COL22A1: variants seen among roughly 807,000 people sequenced by gnomAD.
The protein encoded by COL22A1 is collagen type XXII alpha 1 chain.
A neutral mutation model predicts 248.9 loss-of-function variants in COL22A1; 221 were observed. That is an observed-to-expected ratio of 0.89 (90% CI 0.80 to 0.99). The LOEUF (loss-of-function observed/expected upper bound fraction) is 0.99, where lower values mean the gene tolerates loss of function less well. Among genes scored for constraint, COL22A1 ranks in the 50% least tolerant of loss-of-function variants. COL22A1 has a pLI of 0.00. For synonymous variants in COL22A1, 891 were observed against 793.4 expected, an observed-to-expected ratio of 1.12 and a Z score of -2.07; for missense variants, 2,240 against 2,179.0, an observed-to-expected ratio of 1.03 and a Z score of -0.56.
rs143497961 is a variant in COL22A1, at chr8:138,668,721, G to A, written c.3151-4981C>T. On this transcript the variant is annotated intron_variant, in intron 41 of 64. Transcript: ENST00000303045. ...CATGTGTGCAGGCCTAGTGCTGTGT[G>A]CTGGGGTGGGTGGCCAAGTGGCTGC... Among the ~76,000 whole-genome samples, 182 of 152,326 alleles carry A rather than the reference G, an allele frequency of 1.2e-3. 1 individual carries two copies. The highest frequency in any genetic ancestry group is 4.2e-3 in the African/African-American group (175 of 41,574).
intron 18 of COL22A1, among the ~76,000 whole-genome samples, chr8:138,757,796 A>T (rs1586666561): frequency 1.3e-5 from 2 of 152,224 alleles, no homozygotes; most frequent in East Asian, 3.9e-4. Flanking sequence ...ATAGGACCAA[A>T]AGTCTTTCCT....
intron 16 of COL22A1, among the ~76,000 whole-genome samples, chr8:138,773,494 C>T (rs1270943154): frequency 2.6e-5 from 4 of 152,152 alleles, no homozygotes; most frequent in Non-Finnish European, 4.4e-5. Context: ...GGGATCTGGC[C>T]GTAGGACATG....
At chr8:138,713,031 G>A (rs565194004) in intron 30 of COL22A1, among the ~76,000 whole-genome samples, 1 of 152,330 alleles carries the variant, frequency 6.6e-6, no homozygotes, top group Admixed American at 6.5e-5. Flanking sequence ...CTAGTAGAAA[G>A]GATGTCAGTC....
chr8:138,666,964 A>G (rs1282247718), intron 41 of COL22A1, among the ~76,000 whole-genome samples: 1 of 152,212 alleles, frequency 6.6e-6, no homozygotes, highest in African/African-American at 2.4e-5. Context: ...ATTGTAATAC[A>G]AATCTAGAGT....
chr8:138,672,895 A>G (rs1339221847), intron 41 of COL22A1, among the ~76,000 whole-genome samples: 13 of 152,202 alleles, frequency 8.5e-5, no homozygotes, highest in Admixed American at 8.5e-4. Flanking sequence ...TCCTTCAGTC[A>G]AACTAATTTG....
intron 3 of COL22A1, among the ~76,000 whole-genome samples, chr8:138,846,980 GCTC>G (rs1387564125): frequency 6.6e-6 from 1 of 152,198 alleles, no homozygotes; most frequent in Non-Finnish European, 1.5e-5. Flanking sequence ...GCTTCCCAGG[GCTC>G]CTCCTCCTGG....
chr8:138,858,464 T>G (rs1336661590), intron 3 of COL22A1, among the ~76,000 whole-genome samples: 1 of 152,118 alleles, frequency 6.6e-6, no homozygotes, highest in Non-Finnish European at 1.5e-5. Context: ...CACTGCAGCC[T>G]CCAACTCCTG....
In COL22A1 at chr8:138,860,534, G is replaced by A. The variant is rs148794963; in HGVS notation, c.659-16376C>T. On this transcript the variant is annotated intron_variant, in intron 3 of 64. Transcript: ENST00000303045. The stretch of plus-strand genomic sequence containing the variant: ...AATGAGTTCAAGACAACAACTTTCC[G>A]GATGTGGTGACTCATGTAGTCCCAG... 1.9e-3 allele frequency among the ~76,000 whole-genome samples: 294 copies of A among 152,276 alleles called. 1 individual carries two copies. Among genetic ancestry groups the A allele is most frequent in the African/African-American group, 6.8e-3 (283 of 41,556 alleles).
intron 41 of COL22A1, among the ~76,000 whole-genome samples, chr8:138,666,426 T>G (rs1042033087): frequency 2.0e-5 from 3 of 152,198 alleles, no homozygotes; most frequent in African/African-American, 7.2e-5. Flanking sequence ...TATCAACATT[T>G]CATTGCTATA....
At chr8:138,839,316 T>TG in intron 4 of COL22A1, among the ~76,000 whole-genome samples, 1 of 152,172 alleles carries the variant, frequency 6.6e-6, no homozygotes, top group Admixed American at 6.5e-5. Flanking sequence ...GAGGGTACAC[T>TG]GGCTGGGAAT....
At chr8:138,681,222 T>C (rs756607953) in intron 39 of COL22A1, among the ~76,000 whole-genome samples, 12 of 152,300 alleles carry the variant, frequency 7.9e-5, no homozygotes, top group Non-Finnish European at 1.5e-4. Context: ...ACTGAGCAGG[T>C]AACTGTGACC....
At chr8:138,625,630 G>A (rs1340711031) in intron 51 of COL22A1, among the ~76,000 whole-genome samples, 2 of 152,148 alleles carry the variant, frequency 1.3e-5, no homozygotes, top group African/African-American at 2.4e-5. Context: ...ATCACATTTT[G>A]GAGGATCATC....
At chr8:138,724,450 C>T (rs1260978626) in intron 25 of COL22A1, among the ~76,000 whole-genome samples, 165 bp downstream of exon 25, 4 of 152,164 alleles carry the variant, frequency 2.6e-5, no homozygotes, top group Admixed American at 1.3e-4. Flanking sequence ...GAGTGAGCCA[C>T]CACAGAAAGA....
chr8:138,891,030 A>C (rs770189164), intron 1 of COL22A1, among the ~76,000 whole-genome samples: 1 of 152,160 alleles, frequency 6.6e-6, no homozygotes, highest in African/African-American at 2.4e-5. Flanking sequence ...TAAAAAAAAA[A>C]AGTTTGTTGT....
At position 138,778,278 on chromosome 8, in the gene COL22A1, G is replaced by C. The variant is rs776481088; in HGVS notation, c.1758+75C>G. On this transcript the variant is annotated intron_variant, in intron 15 of 64. Transcript: ENST00000303045. ...GCATTACTGTCTAGATGCAGGTGGA[G>C]GAACTTGCTAGAACCTGGTTTTTGA... The C allele has an allele frequency of 1.2e-5, 18 of 1,538,436 alleles. No individual in the cohort carries two copies. In the South Asian group the frequency reaches 1.8e-4, roughly 15 times the overall value.
At chr8:138,723,894 C>A (rs1452252917) in intron 25 of COL22A1, among the ~76,000 whole-genome samples, 3 of 152,146 alleles carry the variant, frequency 2.0e-5, no homozygotes, top group Non-Finnish European at 2.9e-5. Context: ...GGAGACCTGC[C>A]CCATGTGTTA....
rs1441337758 is a variant in COL22A1, at chr8:138,649,568, C to G, written c.3447+97G>C. On this transcript the variant is annotated intron_variant, in intron 46 of 64. Transcript: ENST00000303045. ...ATCTTGAATCTTGAACCCCTCAAACCCTGAACACCTTCAGAGGCAGATGGG... is the reference window on the plus strand; with the variant it reads ...ATCTTGAATCTTGAACCCCTCAAACGCTGAACACCTTCAGAGGCAGATGGG... 1.9e-5 allele frequency: 29 copies of G among 1,529,628 alleles called. No homozygotes were observed. The East Asian group carries it at 6.4e-4, about 34-fold the overall frequency. 94.8% of individuals were successfully genotyped at this position (1,529,628 alleles called of 1,614,324 possible).
intron 19 of COL22A1, 128 bp downstream of exon 19, chr8:138,755,657 G>T: frequency 1.5e-6 from 2 of 1,343,522 alleles, no homozygotes; most frequent in Non-Finnish European, 2.1e-6. Flanking sequence ...CCCATTTTTA[G>T]TGTTGAAAGC....
chr8:138,865,793 CTG>C (rs34146468), intron 3 of COL22A1, among the ~76,000 whole-genome samples: 52 of 115,104 alleles, frequency 4.5e-4, no homozygotes, highest in African/African-American at 1.5e-3. Flanking sequence ...GTTTGTATGC[CTG>C]TGTGTGTGTG....
Sources: allele counts gnomAD v4.1 joint callset (sites outside exome capture counted in the v4.1 genomes callset), GRCh38; gene constraint gnomAD v4.1.1; transcripts MANE v1.5; gene names NCBI Gene and HGNC (gene_info 2026-07-23, HGNC 2026-07-21).